The following DAP3 variants were observed in gnomAD, a reference collection of about 807,000 sequenced individuals.
DAP3 encodes small ribosomal subunit protein mS29.
In DAP3, 28 loss-of-function variants were observed where a neutral mutation model predicts 51.9. That is an observed-to-expected ratio of 0.54 (90% CI 0.40 to 0.74). The LOEUF (loss-of-function observed/expected upper bound fraction) is 0.74, where lower values mean the gene tolerates loss of function less well. Among genes scored for constraint, DAP3 ranks in the 30% least tolerant of loss-of-function variants. The pLI is 0.00. For missense variants in DAP3, 458 were observed against 483.5 expected (o/e 0.95, Z 0.49); for synonymous variants, 170 against 170.3 (o/e 1.00, Z 0.01).
upstream of DAP3, chr1:155,688,551 GC>G (rs1653067847): frequency 6.5e-7 from 1 of 1,539,574 alleles, no homozygotes. Flanking sequence ...CGGCCGTCCT[GC>G]GAGCCAGCCA....
At chr1:155,732,686 A>G (rs1421425599) in intron 11 of DAP3, among the ~76,000 whole-genome samples, 1 of 152,228 alleles carries the variant, frequency 6.6e-6, no homozygotes, top group Non-Finnish European at 1.5e-5. Context: ...TTATCCCAGT[A>G]TCTTTTATAG....
intron 11 of DAP3, chr1:155,736,541 C>T (rs1390858398): frequency 8.7e-6 from 2 of 230,180 alleles, no homozygotes; most frequent in South Asian, 5.8e-5. Context: ...CTCAGCCTCC[C>T]GAGTACCTGG....
At chr1:155,696,515 C>T (rs1231545431) in intron 1 of DAP3, among the ~76,000 whole-genome samples, 1 of 152,198 alleles carries the variant, frequency 6.6e-6, no homozygotes, top group East Asian at 1.9e-4. Flanking sequence ...ATGGCTCTAT[C>T]TTGTACTTGT....
chr1:155,705,449 T>A (rs1349954888), intron 1 of DAP3, among the ~76,000 whole-genome samples: 1 of 150,562 alleles, frequency 6.6e-6, no homozygotes. Flanking sequence ...AAAAAAAAAT[T>A]TTTTTTTTAA....
At chr1:155,694,610 A>AT (rs1457840376) in intron 1 of DAP3, among the ~76,000 whole-genome samples, 1 of 122,642 alleles carries the variant, frequency 8.2e-6, no homozygotes, top group Admixed American at 7.1e-5. Context: ...TGAAATGTTC[A>AT]TTCGAGCCAT....
rs1019364632 is a variant in DAP3, at chr1:155,738,545, A to G, written c.*303A>G. ...TCTTTCTAAAGTGTTGTGTTAGATT[A>G]ATAATATGGAAGGAGTCTTTAGATT... On this transcript the variant is annotated 3_prime_UTR_variant, in exon 13 of 13. Coordinates refer to ENST00000368336, the MANE Select transcript of DAP3 (RefSeq NM_004632.4). The G allele has an allele frequency of 1.4e-5, 4 of 279,180 alleles. No homozygotes were observed. Among genetic ancestry groups the G allele is most frequent in the African/African-American group, 8.7e-5 (4 of 45,804 alleles). The allele number at this position is 279,180 out of a possible 1,614,324, so 17.3% of individuals were successfully genotyped here.
intron 1 of DAP3, among the ~76,000 whole-genome samples, chr1:155,699,626 T>A (rs532799458): frequency 3.9e-5 from 6 of 152,292 alleles, no homozygotes; most frequent in East Asian, 1.9e-4. Context: ...TTCATTTTTT[T>A]AATTTGAGGC....
chr1:155,688,658 C>T, upstream of DAP3: 1 of 1,533,600 alleles, frequency 6.5e-7, no homozygotes, highest in Non-Finnish European at 8.7e-7. Context: ...CTCACGCGTA[C>T]CTTCAGCGGC....
chr1:155,734,071 C>T (rs943073306), intron 11 of DAP3, among the ~76,000 whole-genome samples: 1 of 152,024 alleles, frequency 6.6e-6, no homozygotes, highest in African/African-American at 2.4e-5. Flanking sequence ...GTGGGAGGAT[C>T]GCTTGAGCCC....
chr1:155,694,991 CA>C (rs1654332235), intron 1 of DAP3, among the ~76,000 whole-genome samples: 1 of 152,178 alleles, frequency 6.6e-6, no homozygotes, highest in African/African-American at 2.4e-5. Flanking sequence ...TATGTAATTG[CA>C]TTTTTAAGGT....
chr1:155,696,344 G>A lies in DAP3; in HGVS notation c.-8+7170G>A, dbSNP rs1654507979. The stretch of plus-strand genomic sequence containing the variant: ...GCCTTGGGTGTTAATTCTCTTTTAT[G>A]GTGTAAGTTGCAATCTCCCCTCAAT... On this transcript the variant is annotated intron_variant, in intron 1 of 12. Transcript: ENST00000368336. 2.0e-5 allele frequency among the ~76,000 whole-genome samples: 3 copies of A among 151,560 alleles called. No individual in the cohort carries two copies. In the South Asian group the frequency reaches 6.2e-4, roughly 32 times the overall value.
intron 2 of DAP3, among the ~76,000 whole-genome samples, chr1:155,713,127 C>T (rs760857691): frequency 6.6e-6 from 1 of 152,106 alleles, no homozygotes; most frequent in Admixed American, 6.6e-5. Context: ...GGATACATCG[C>T]AACATATAGC....
At chr1:155,705,431 A>G (rs990354513) in intron 1 of DAP3, among the ~76,000 whole-genome samples, 1 of 150,872 alleles carries the variant, frequency 6.6e-6, no homozygotes, top group Admixed American at 6.6e-5. Flanking sequence ...GGTTATGTCT[A>G]CCCAAAAAAA....
At chr1:155,726,233 C>A (rs1325793101) in intron 6 of DAP3, 3 of 349,012 alleles carry the variant, frequency 8.6e-6, no homozygotes, top group Non-Finnish European at 1.5e-5. Flanking sequence ...CCTGCCTCAG[C>A]CTCCCAAGTA....
chr1:155,730,428 C>G (rs1220078311), intron 9 of DAP3, among the ~76,000 whole-genome samples: 1 of 151,642 alleles, frequency 6.6e-6, no homozygotes, highest in East Asian at 1.9e-4. Context: ...CTGGGCAGCA[C>G]AGTGAAACCC....
At chr1:155,713,183 G>A (rs1359734320) in intron 2 of DAP3, among the ~76,000 whole-genome samples, 6 of 152,120 alleles carry the variant, frequency 3.9e-5, no homozygotes, top group African/African-American at 1.4e-4. Flanking sequence ...ACACTTAATT[G>A]GCTCTGATTA....
chr1:155,711,523 A>G lies in DAP3; in HGVS notation c.45+1699A>G, dbSNP rs192864038. ...AAAAAAAAAAATTTCCTCTTTCTTAATAACAGACAACAAAGACCTGAGGCT... is the reference window on the plus strand; with the variant it reads ...AAAAAAAAAAATTTCCTCTTTCTTAGTAACAGACAACAAAGACCTGAGGCT... On this transcript the variant is annotated intron_variant, in intron 2 of 12. Coordinates refer to ENST00000368336, the MANE Select transcript of DAP3 (RefSeq NM_004632.4). Among the ~76,000 whole-genome samples, 239 of 152,120 alleles carry G rather than the reference A, an allele frequency of 1.6e-3. 2 individuals are homozygous for G. Among genetic ancestry groups the G allele is most frequent in the African/African-American group, 4.9e-3 (203 of 41,506 alleles).
intron 2 of DAP3, among the ~76,000 whole-genome samples, chr1:155,716,300 G>A (rs941092988): frequency 2.0e-5 from 3 of 152,186 alleles, no homozygotes; most frequent in Non-Finnish European, 2.9e-5. Flanking sequence ...GGTGGCTCAC[G>A]CCTGTAATCC....
At chr1:155,703,687 G>A (rs950482931) in intron 1 of DAP3, among the ~76,000 whole-genome samples, 31 of 151,874 alleles carry the variant, frequency 2.0e-4, no homozygotes, top group Non-Finnish European at 2.8e-4. Flanking sequence ...ACAGGCGCCC[G>A]CCACCACACC....
Sources: gnomAD v4.1 joint callset for allele counts (sites outside exome capture counted in the v4.1 genomes callset) on GRCh38, gnomAD v4.1.1 for gene constraint, MANE v1.5 for transcripts, NCBI Gene and HGNC (gene_info 2026-07-23, HGNC 2026-07-21) for gene names.